The following SPAG16 variants were observed in gnomAD, a reference collection of about 807,000 sequenced individuals.
SPAG16 encodes sperm-associated antigen 16 protein.
A neutral mutation model predicts 80.4 loss-of-function variants in SPAG16; 86 were observed. The ratio of observed to expected loss-of-function variants is 1.07; its 90% confidence interval spans 0.90 to 1.28. The LOEUF is 1.28. Among genes scored for constraint, SPAG16 ranks in the 50% most tolerant of loss-of-function variants. The pLI is 0.00. For missense variants in SPAG16, 870 were observed against 765.3 expected (o/e 1.14, Z -1.61); for synonymous variants, 294 against 265.9 (o/e 1.11, Z -1.03).
chr2:214,384,164 C>A (rs2126113851), intron 15 of SPAG16, among the ~76,000 whole-genome samples: 1 of 152,300 alleles, frequency 6.6e-6, no homozygotes, highest in Middle Eastern at 3.4e-3. Flanking sequence ...AAGTACACTT[C>A]CCCTTAATCT....
intron 10 of SPAG16, among the ~76,000 whole-genome samples, chr2:213,552,758 C>T (rs758188268): frequency 6.6e-6 from 1 of 151,470 alleles, no homozygotes; most frequent in Non-Finnish European, 1.5e-5. Flanking sequence ...GACCCACCCT[C>T]AATCTGGGTG....
At chr2:213,396,673 C>CA in intron 9 of SPAG16, 1 of 456,258 alleles carries the variant, frequency 2.2e-6, no homozygotes, top group Non-Finnish European at 4.4e-6. Context: ...AACAACAGTG[C>CA]ACACCAGCAC....
At chr2:213,302,969 C>A (rs990709578) in intron 3 of SPAG16, among the ~76,000 whole-genome samples, 3 of 152,208 alleles carry the variant, frequency 2.0e-5, no homozygotes, top group Middle Eastern at 3.4e-3. Flanking sequence ...TCCTGTTTTC[C>A]AAGTTCCTTC....
chr2:213,903,655 G>C (rs145245046), intron 11 of SPAG16, among the ~76,000 whole-genome samples: 2 of 152,132 alleles, frequency 1.3e-5, no homozygotes, highest in African/African-American at 4.8e-5. Flanking sequence ...TCATTGTCTT[G>C]GGGATTAATT....
chr2:213,742,932 C>T (rs1302877001), intron 10 of SPAG16, among the ~76,000 whole-genome samples: 6 of 147,124 alleles, frequency 4.1e-5, no homozygotes, highest in Non-Finnish European at 7.5e-5. Context: ...GAGACGGAGT[C>T]TCGCTCTGTC....
chr2:214,181,601 G>A (rs912184061), intron 15 of SPAG16, among the ~76,000 whole-genome samples: 4 of 151,670 alleles, frequency 2.6e-5, no homozygotes, highest in Non-Finnish European at 2.9e-5. Context: ...GCTAGAGGCC[G>A]TCTCTCTCTA....
intron 9 of SPAG16, among the ~76,000 whole-genome samples, chr2:213,452,560 G>T (rs2071762300): frequency 6.6e-6 from 1 of 152,108 alleles, no homozygotes; most frequent in South Asian, 2.1e-4. Context: ...TCTCTACAAG[G>T]TATACCCACT....
intron 12 of SPAG16, among the ~76,000 whole-genome samples, chr2:213,963,861 G>A (rs1001940195): frequency 6.6e-6 from 1 of 152,038 alleles, no homozygotes; most frequent in Non-Finnish European, 1.5e-5. Context: ...TATGCTTACT[G>A]TTACTGTTTA....
At chr2:214,205,426 A>G (rs923788945) in intron 15 of SPAG16, among the ~76,000 whole-genome samples, 5 of 152,236 alleles carry the variant, frequency 3.3e-5, no homozygotes, top group Non-Finnish European at 7.3e-5. Context: ...GTTAAAAATC[A>G]TAAGATCCTG....
chr2:214,035,554 G>A (rs1051151628), intron 13 of SPAG16, among the ~76,000 whole-genome samples: 1 of 152,214 alleles, frequency 6.6e-6, no homozygotes, highest in Non-Finnish European at 1.5e-5. Context: ...GCACACACTG[G>A]CAACCTGCAA....
At chr2:213,915,056 G>C (rs1364863336) in intron 11 of SPAG16, among the ~76,000 whole-genome samples, 1 of 152,116 alleles carries the variant, frequency 6.6e-6, no homozygotes, top group Non-Finnish European at 1.5e-5. Context: ...ACGGCAGAAG[G>C]TGAATGAGAA....
chr2:213,420,126 C>T (rs928390519), intron 9 of SPAG16, among the ~76,000 whole-genome samples: 2 of 152,102 alleles, frequency 1.3e-5, no homozygotes, highest in Admixed American at 1.3e-4. Flanking sequence ...TGCAATGTTG[C>T]CTAGCATGTG....
intron 12 of SPAG16, among the ~76,000 whole-genome samples, chr2:213,991,845 T>A (rs1352619163): frequency 1.3e-5 from 2 of 148,222 alleles, no homozygotes; most frequent in African/African-American, 5.0e-5. Context: ...AAGGGGACAT[T>A]TTGACAATTG....
In SPAG16 at chr2:213,519,312, T is replaced by C. The variant is rs143424070; in HGVS notation, c.1070+29222T>C. 7.9e-4 allele frequency among the ~76,000 whole-genome samples: 120 copies of C among 152,374 alleles called. 2 individuals are homozygous for C. Among genetic ancestry groups the C allele is most frequent in the Middle Eastern group, 3.4e-3 (1 of 294 alleles). ...CACCTGTTGATATGATTTGGCTTGGTGTCCCCACCCAAATCTCATCTTGAA... is the reference window on the plus strand; with the variant it reads ...CACCTGTTGATATGATTTGGCTTGGCGTCCCCACCCAAATCTCATCTTGAA... On this transcript the variant is annotated intron_variant, in intron 10 of 15. Coordinates refer to ENST00000331683, the MANE Select transcript of SPAG16 (RefSeq NM_024532.5).
chr2:213,522,685 G>T (rs954430823), intron 10 of SPAG16, among the ~76,000 whole-genome samples: 3 of 152,058 alleles, frequency 2.0e-5, no homozygotes, highest in Non-Finnish European at 4.4e-5. Context: ...TGAAATGGGG[G>T]TCTGGGCAGC....
At chr2:213,404,173 C>T (rs1247994475) in intron 9 of SPAG16, among the ~76,000 whole-genome samples, 1 of 152,110 alleles carries the variant, frequency 6.6e-6, no homozygotes, top group East Asian at 1.9e-4. Flanking sequence ...CATCAAGCTA[C>T]CAATGACTTT....
chr2:214,020,966 G>A (rs2047833558), intron 13 of SPAG16, among the ~76,000 whole-genome samples: 1 of 151,978 alleles, frequency 6.6e-6, no homozygotes, highest in Non-Finnish European at 1.5e-5. Context: ...TTTCGAAAAT[G>A]GTGCCTTTTT....
chr2:214,270,193 T>C (rs1273515836), intron 15 of SPAG16, among the ~76,000 whole-genome samples: 1 of 152,158 alleles, frequency 6.6e-6, no homozygotes, highest in African/African-American at 2.4e-5. Flanking sequence ...TACATAAATA[T>C]TGTTAGCAAA....
At chr2:213,625,451 C>A (rs181649937) in intron 10 of SPAG16, among the ~76,000 whole-genome samples, 52 of 152,098 alleles carry the variant, frequency 3.4e-4, no homozygotes, top group African/African-American at 1.3e-3. Context: ...GTACCCACAA[C>A]AATTTAAAAA....
Sources: allele counts gnomAD v4.1 joint callset (sites outside exome capture counted in the v4.1 genomes callset), GRCh38; gene constraint gnomAD v4.1.1; transcripts MANE v1.5; gene names NCBI Gene and HGNC (gene_info 2026-07-23, HGNC 2026-07-21).